The following SGSM2 variants were observed in gnomAD, a reference collection of about 807,000 sequenced individuals.
The protein encoded by SGSM2 is small G protein signaling modulator 2, also known as RUN and TBC1 domain containing 1.
SGSM2 carries 89 observed loss-of-function variants against 126.6 expected under a neutral mutation model. The ratio of observed to expected loss-of-function variants is 0.70; its 90% CI spans 0.59 to 0.84. SGSM2 has a LOEUF of 0.84. Ranked by LOEUF, SGSM2 falls within the 40% of genes least tolerant of loss-of-function variation. SGSM2 has a pLI of 0.00. For missense variants in SGSM2, 1,404 were observed against 1,416.6 expected, an observed-to-expected ratio of 0.99 and a Z score of 0.14; for synonymous variants, 614 against 574.3, an observed-to-expected ratio of 1.07 and a Z score of -0.99.
In SGSM2 at chr17:2,364,051, C is replaced by T. The variant is rs371450193; in HGVS notation, c.808-8C>T. On this transcript the variant is annotated splice_region_variant and splice_polypyrimidine_tract_variant and intron_variant, in intron 7 of 23. Coordinates refer to ENST00000268989, the MANE Select transcript of SGSM2 (RefSeq NM_014853.3). Reference sequence around the variant, plus strand: ...TCATCGTCGGTCTTCCGGTGTCTCCCGCTGTAGAAGGAGGATATGGAGGCG... The same window carrying T: ...TCATCGTCGGTCTTCCGGTGTCTCCTGCTGTAGAAGGAGGATATGGAGGCG... 1.3e-5 allele frequency: 21 copies of T among 1,613,982 alleles called. No homozygotes were observed. Among genetic ancestry groups the T allele is most frequent in the Middle Eastern group, 3.3e-4 (2 of 6,062 alleles).
intron 12 of SGSM2, among the ~76,000 whole-genome samples, chr17:2,369,453 A>G (rs1477145994): frequency 6.6e-6 from 1 of 152,090 alleles, no homozygotes; most frequent in Non-Finnish European, 1.5e-5. Context: ...TGCTCAGAGG[A>G]GAGAGTCAGA....
At chr17:2,373,817 G>GC in intron 17 of SGSM2, 1 of 361,152 alleles carries the variant, frequency 2.8e-6, no homozygotes, top group Non-Finnish European at 5.1e-6. Flanking sequence ...CTCAAAGCTA[G>GC]CAACAGGCAG....
chr17:2,372,160 C>T lies in SGSM2; in HGVS notation c.1578-30C>T. On this transcript the variant is annotated intron_variant, in intron 13 of 23. Transcript: ENST00000268989. This position sits in a 1 kb window ranked among gnomAD's most constrained non-coding sequence, Gnocchi z 6.0. ...TCCTCCCACCAGAGGGGCCGCAGCC[C>T]CTCCCTGCTGAGCCCGGTTGTTGCC... 1 of 1,612,682 alleles carries T rather than the reference C, an allele frequency of 6.2e-7. No homozygotes were observed. Among genetic ancestry groups the T allele is most frequent in the Non-Finnish European group, 8.5e-7 (1 of 1,179,548 alleles).
In SGSM2 at chr17:2,380,488, T is replaced by C; in HGVS notation, c.*968T>C. Reference sequence around the variant, plus strand: ...GCGGGAGGCAGGGGATGCATGGGTGTCCCCATCTGTCCCTGGTGAGAAGCA... The same window carrying C: ...GCGGGAGGCAGGGGATGCATGGGTGCCCCCATCTGTCCCTGGTGAGAAGCA... On this transcript the variant is annotated 3_prime_UTR_variant, in exon 24 of 24. Transcript: ENST00000268989. The C allele has an allele frequency of 3.2e-6, 2 of 634,188 alleles. No homozygotes were observed. The highest frequency in any genetic ancestry group is 3.6e-5 in the South Asian group (2 of 55,144). 39.3% of individuals were successfully genotyped at this position (634,188 alleles called of 1,614,324 possible).
intron 12 of SGSM2, 71 bp from the exon 13 acceptor site, chr17:2,371,191 T>A: frequency 6.7e-7 from 1 of 1,489,588 alleles, no homozygotes; most frequent in South Asian, 1.3e-5. Flanking sequence ...GGCACAGAGG[T>A]GGGCATGGTG....
chr17:2,377,159 T>C (rs1169306236), intron 21 of SGSM2, 91 bp downstream of exon 21: 11 of 760,504 alleles, frequency 1.4e-5, no homozygotes, highest in African/African-American at 1.0e-4. Flanking sequence ...ACAAACATAC[T>C]TGACATAGAA....
In SGSM2 at chr17:2,375,702, G is replaced by C. The variant is rs141855773; in HGVS notation, c.2311G>C (p.Gly771Arg). The change falls in exon 18 of 24, where the codon GGG becomes CGG. Residue 771 changes from glycine (G) to arginine (R), a missense_variant. Physicochemically the swap from Gly to Arg is moderately radical, Grantham distance 125 (BLOSUM62 -2). Coordinates refer to ENST00000268989, the MANE Select transcript of SGSM2 (RefSeq NM_014853.3). ...ASGIQSSLDE[G>R]QSVGFEEEDG... ...GGGCATCCAGTCAAGCCTAGATGAG[G>C]GGCAGAGCGTGGGCTTCGAAGAGGA... 2.5e-6 allele frequency: 4 copies of C among 1,612,838 alleles called. No individual in the cohort carries two copies. In the African/African-American group the frequency reaches 5.3e-5, roughly 22 times the overall value.
At chr17:2,349,723 C>A (rs578243011) in intron 2 of SGSM2, among the ~76,000 whole-genome samples, 1 of 151,924 alleles carries the variant, frequency 6.6e-6, no homozygotes, top group Non-Finnish European at 1.5e-5. Flanking sequence ...GTAATGAGTA[C>A]ATGGGCAGCT....
chr17:2,380,205 G>T lies in SGSM2; in HGVS notation c.*685G>T. On this transcript the variant is annotated 3_prime_UTR_variant, in exon 24 of 24. Coordinates refer to ENST00000268989, the MANE Select transcript of SGSM2 (RefSeq NM_014853.3). ...CCAGGCCTCCCCGGCCTTGTACAGT[G>T]TACCTCTGTGTATCTGTACAGCCTC... The T allele has an allele frequency of 7.2e-6, 11 of 1,534,288 alleles. No homozygotes were observed. Among genetic ancestry groups the T allele is most frequent in the Non-Finnish European group, 8.7e-6 (10 of 1,145,374 alleles).
intron 2 of SGSM2, among the ~76,000 whole-genome samples, chr17:2,350,551 A>G (rs2064801394): frequency 6.6e-6 from 1 of 151,892 alleles, no homozygotes; most frequent in Non-Finnish European, 1.5e-5. Flanking sequence ...TGGAGGTTGC[A>G]GTGAGCCGAG....
chr17:2,364,233 G>T (rs757758075), intron 8 of SGSM2, 50 bp downstream of exon 8: 65 of 1,609,948 alleles, frequency 4.0e-5, no homozygotes, highest in Non-Finnish European at 5.3e-5. Context: ...GAGTGGGTTT[G>T]ACCTCAGGCA....
chr17:2,358,873 G>GTTTTTTTT (rs759581510), intron 2 of SGSM2, among the ~76,000 whole-genome samples: 16 of 88,182 alleles, frequency 1.8e-4, no homozygotes, highest in East Asian at 4.1e-4. Context: ...TGTTGTTGTT[G>GTTTTTTTT]TTTTTTTTTT....
Position 2,375,584 on chromosome 17 carries a change from T to G in SGSM2, c.2193T>G (p.Thr731=). ...PKPEQEAGPG[T]PGTAVVEQQH... is the part of the protein sequence containing the mutation. ...CTGAGCAGGAAGCAGGACCCGGGACTCCGGGCACCGCCGTGGTGGAGCAGC... is the reference window on the plus strand; with the variant it reads ...CTGAGCAGGAAGCAGGACCCGGGACGCCGGGCACCGCCGTGGTGGAGCAGC... The change falls in exon 18 of 24, where the codon ACT becomes ACG. Residue 731 remains threonine (T), a synonymous_variant. Transcript: ENST00000268989. 6.2e-7 allele frequency: 1 copy of G among 1,613,828 alleles called. No individual in the cohort carries two copies. Among genetic ancestry groups the G allele is most frequent in the Admixed American group, 1.7e-5 (1 of 60,018 alleles).
At chr17:2,353,259 C>A (rs2064950144) in intron 2 of SGSM2, among the ~76,000 whole-genome samples, 2 of 152,002 alleles carry the variant, frequency 1.3e-5, no homozygotes, top group Non-Finnish European at 2.9e-5. Context: ...TTCCACAGAT[C>A]CTGTTTGTTG....
At chr17:2,340,083 C>A (rs143679501) in intron 1 of SGSM2, among the ~76,000 whole-genome samples, 17 of 151,744 alleles carry the variant, frequency 1.1e-4, no homozygotes, top group African/African-American at 4.1e-4. Context: ...AGATATGGCT[C>A]AATTTTGGAG....
At chr17:2,341,499 G>A (rs1417523744) in intron 1 of SGSM2, among the ~76,000 whole-genome samples, 5 of 152,140 alleles carry the variant, frequency 3.3e-5, no homozygotes, top group African/African-American at 7.2e-5. Context: ...CCTTCTTCCC[G>A]CCTCCCCAGG....
chr17:2,378,104 T>C, intron 22 of SGSM2, 151 bp downstream of exon 22: 1 of 549,826 alleles, frequency 1.8e-6, no homozygotes, highest in Non-Finnish European at 3.3e-6. Context: ...CAGCCCAGAC[T>C]CATGAACTGT....
intron 2 of SGSM2, among the ~76,000 whole-genome samples, chr17:2,350,057 G>A (rs1195573949): frequency 6.6e-6 from 1 of 151,930 alleles, no homozygotes; most frequent in Non-Finnish European, 1.5e-5. Context: ...AAAGTGCTGG[G>A]ATTACAGGCG....
Position 2,379,693 on chromosome 17 carries a change from G to C in SGSM2, c.*173G>C. 1 of 1,427,058 alleles carries C rather than the reference G, an allele frequency of 7.0e-7. No homozygotes were observed. Among genetic ancestry groups the C allele is most frequent in the Non-Finnish European group, 9.2e-7 (1 of 1,089,594 alleles). 88.4% of individuals were successfully genotyped at this position (1,427,058 alleles called of 1,614,324 possible). On this transcript the variant is annotated 3_prime_UTR_variant, in exon 24 of 24. Coordinates refer to ENST00000268989, the MANE Select transcript of SGSM2 (RefSeq NM_014853.3). ...AGTGCTGACCCTGCAGGGCAAGTCA[G>C]GGGCCAGGATGCCCTCGGATCAGGG... is the stretch of plus-strand genomic sequence containing the variant.
Sources: gnomAD v4.1 joint callset for allele counts (sites outside exome capture counted in the v4.1 genomes callset) on GRCh38, gnomAD v4.1.1 for gene constraint, Gnocchi (gnomAD v3.1) non-coding constraint, MANE v1.5 for transcripts, NCBI Gene and HGNC (gene_info 2026-07-23, HGNC 2026-07-21) for gene names.